Variants in SCN11A observed in about 807,000 individuals in gnomAD.
SCN11A encodes the protein sodium channel protein type 11 subunit alpha.
Under a neutral mutation model 162.2 loss-of-function variants are expected in SCN11A, and 122 were observed. The ratio of observed to expected loss-of-function variants is 0.75; its 90% CI spans 0.65 to 0.87. The LOEUF is 0.87. Ranked by LOEUF, SCN11A falls within the 40% of genes least tolerant of loss-of-function variation. SCN11A has a pLI of 0.00. For missense variants in SCN11A, 2,015 were observed against 2,181.6 expected, an observed-to-expected ratio of 0.92 and a Z score of 1.52; for synonymous variants, 758 against 751.5, an observed-to-expected ratio of 1.01 and a Z score of -0.14.
rs962638080 is a variant in SCN11A, at chr3:39,016,495, T to G, written c.-280+15885A>C. ...TTTCCTATGGCCTGAAAGACATCCT[T>G]TAATAGTTCTTATAGTGCATCATGT... On this transcript the variant is annotated intron_variant, in intron 2 of 29. Transcript: ENST00000302328. Among the ~76,000 whole-genome samples, 68 of 152,236 alleles carry G rather than the reference T, an allele frequency of 4.5e-4. 1 individual carries two copies. The highest frequency in any genetic ancestry group is 1.3e-4 in the Non-Finnish European group (9 of 68,028).
intron 19 of SCN11A, among the ~76,000 whole-genome samples, chr3:38,890,364 T>C (rs957419351): frequency 6.6e-6 from 1 of 152,192 alleles, no homozygotes; most frequent in Non-Finnish European, 1.5e-5. Context: ...CAAAGTGGTG[T>C]GGGGAAGTAT....
At chr3:38,901,573 G>A (rs1472201784) in intron 16 of SCN11A, among the ~76,000 whole-genome samples, 1 of 152,180 alleles carries the variant, frequency 6.6e-6, no homozygotes, top group African/African-American at 2.4e-5. Flanking sequence ...TCTGATTAGA[G>A]CAATCTCTAC....
chr3:38,965,639 C>T (rs2066776803), intron 2 of SCN11A, among the ~76,000 whole-genome samples: 1 of 152,334 alleles, frequency 6.6e-6, no homozygotes, highest in Non-Finnish European at 1.5e-5. Context: ...CTCCTCTTGC[C>T]TTTCTTCTCA....
chr3:38,898,962 G>T (rs2065651047), intron 17 of SCN11A, among the ~76,000 whole-genome samples: 2 of 152,078 alleles, frequency 1.3e-5, no homozygotes, highest in African/African-American at 4.8e-5. Flanking sequence ...TTACCTGAGT[G>T]CTAATAAAAC....
At position 39,028,205 on chromosome 3, in the gene SCN11A, T is replaced by G. The variant is rs530973278; in HGVS notation, c.-280+4175A>C. Among the ~76,000 whole-genome samples the G allele has an allele frequency of 8.5e-5, 13 of 152,330 alleles. 1 individual carries two copies. The South Asian group carries it at 2.7e-3, about 32-fold the overall frequency. ...AGGGTTACACCCCAGACCACCCATC[T>G]GGTCACTTACCAAGCTCTCAGATGC... On this transcript the variant is annotated intron_variant, in intron 2 of 29. Coordinates refer to ENST00000302328, the MANE Select transcript of SCN11A (RefSeq NM_001349253.2).
chr3:38,909,487 C>A (rs2065855140), intron 12 of SCN11A, among the ~76,000 whole-genome samples: 1 of 151,830 alleles, frequency 6.6e-6, no homozygotes, highest in African/African-American at 2.4e-5. Flanking sequence ...AGAGATAGGG[C>A]AGTAGGGAAT....
chr3:38,988,766 T>G (rs2125593445), intron 2 of SCN11A, among the ~76,000 whole-genome samples: 1 of 152,250 alleles, frequency 6.6e-6, no homozygotes, highest in Non-Finnish European at 1.5e-5. Flanking sequence ...AATGAGGAAA[T>G]AGGAATGTGG....
intron 16 of SCN11A, among the ~76,000 whole-genome samples, chr3:38,903,265 T>C (rs1384799241): frequency 1.3e-5 from 2 of 152,136 alleles, no homozygotes; most frequent in African/African-American, 2.4e-5. Flanking sequence ...AACCATAAAC[T>C]GAAGTGAACA....
At chr3:38,938,156 C>A (rs1217639200) in intron 7 of SCN11A, among the ~76,000 whole-genome samples, 1 of 151,888 alleles carries the variant, frequency 6.6e-6, no homozygotes, top group African/African-American at 2.4e-5. Context: ...CGCATATTCT[C>A]ACTCATAGGT....
At chr3:38,962,202 C>T (rs1396263866) in intron 2 of SCN11A, among the ~76,000 whole-genome samples, 1 of 152,168 alleles carries the variant, frequency 6.6e-6, no homozygotes, top group Non-Finnish European at 1.5e-5. Flanking sequence ...TTTCTGGGCT[C>T]TCTATTCTGT....
At chr3:39,000,696 A>G (rs2030782352) in intron 2 of SCN11A, among the ~76,000 whole-genome samples, 1 of 152,206 alleles carries the variant, frequency 6.6e-6, no homozygotes, top group Admixed American at 6.5e-5. Flanking sequence ...TTCACTACCT[A>G]GCACGTTGAA....
chr3:38,900,151 A>G (rs2065675852), intron 16 of SCN11A, 78 bp from the exon 17 acceptor site: 1 of 1,107,026 alleles, frequency 9.0e-7, no homozygotes, highest in Non-Finnish European at 1.3e-6. Context: ...GGAAGTACAG[A>G]GGTTACAATG....
rs78953918 is a variant in SCN11A at position 38,850,578 on chromosome 3, C to T, written c.4230G>A (p.Thr1410=). ...CAAAGATTTTGATGAGACATTCTAA[C>T]GTAAAGATGACCACAAAGACCCAGT... ...HLNWVFVVIF[T]LECLIKIFAL... The change falls in exon 29 of 30, where the codon ACG becomes ACA. Residue 1410 remains threonine (T), a synonymous_variant. Coordinates refer to ENST00000302328, the MANE Select transcript of SCN11A (RefSeq NM_001349253.2). 8,987 of 1,613,782 alleles carry T rather than the reference C, an allele frequency of 5.6e-3. 48 individuals are homozygous for T. Among genetic ancestry groups the T allele is most frequent in the Middle Eastern group, 8.1e-3 (49 of 6,060 alleles).
chr3:39,008,456 T>C (rs1417043962), intron 2 of SCN11A, among the ~76,000 whole-genome samples: 1 of 152,174 alleles, frequency 6.6e-6, no homozygotes. Flanking sequence ...GAGAATCCTC[T>C]GGATTTTGGT....
At chr3:38,876,516 A>G (rs1486167477) in intron 23 of SCN11A, among the ~76,000 whole-genome samples, 1 of 152,154 alleles carries the variant, frequency 6.6e-6, no homozygotes, top group Non-Finnish European at 1.5e-5. Flanking sequence ...AGCAAGTAAA[A>G]AAACAAATAA....
chr3:38,883,534 T>A (rs1244741507), intron 21 of SCN11A, 147 bp from the exon 22 acceptor site: 2 of 704,850 alleles, frequency 2.8e-6, no homozygotes. Flanking sequence ...TTTTCTAACA[T>A]CTTAAATCTG....
intron 11 of SCN11A, among the ~76,000 whole-genome samples, chr3:38,910,643 C>T (rs958083480): frequency 6.6e-6 from 1 of 152,144 alleles, no homozygotes; most frequent in African/African-American, 2.4e-5. Flanking sequence ...CACTCTCCTG[C>T]ACCTTGCTTT....
At chr3:39,017,713 CT>C (rs531910623) in intron 2 of SCN11A, among the ~76,000 whole-genome samples, 5 of 151,490 alleles carry the variant, frequency 3.3e-5, no homozygotes, top group Admixed American at 1.3e-4. Flanking sequence ...AGTTCTATGT[CT>C]TTTTTTTTAC....
At chr3:38,853,740 A>T (rs1436614798) in intron 28 of SCN11A, among the ~76,000 whole-genome samples, 2 of 152,144 alleles carry the variant, frequency 1.3e-5, no homozygotes, top group African/African-American at 4.8e-5. Context: ...CATGCTTCCG[A>T]TTGCAAGCCC....
Sources: allele counts gnomAD v4.1 joint callset (sites outside exome capture counted in the v4.1 genomes callset), GRCh38; gene constraint gnomAD v4.1.1; transcripts MANE v1.5; gene names NCBI Gene and HGNC (gene_info 2026-07-23, HGNC 2026-07-21).